Variants in DYNC2I1 observed in about 807,000 individuals in gnomAD.
DYNC2I1 encodes dynein 2 intermediate chain 1, also known as cytoplasmic dynein 2 intermediate chain 1.
Under a neutral mutation model 133.4 loss-of-function variants are expected in DYNC2I1, and 89 were observed. That is an observed-to-expected ratio of 0.67 (90% CI 0.56 to 0.80). The LOEUF (loss-of-function observed/expected upper bound fraction) is 0.80. Among genes scored for constraint, DYNC2I1 ranks in the 30% least tolerant of loss-of-function variants. The pLI is 0.00. For synonymous variants in DYNC2I1, 504 were observed against 484.3 expected (o/e 1.04, Z -0.54); for missense variants, 1,291 against 1,314.5 (o/e 0.98, Z 0.28).
At chr7:158,844,720 C>G in the DYNC2I1 span, among the ~76,000 whole-genome samples, 2 of 152,042 alleles carry the variant, frequency 1.3e-5, no homozygotes, top group Non-Finnish European at 2.9e-5. Flanking sequence ...CCTCCAGGTT[C>G]AAGCGATTCT....
At chr7:158,944,304 C>T (rs773166888) in intron 24 of DYNC2I1, among the ~76,000 whole-genome samples, 8 of 151,910 alleles carry the variant, frequency 5.3e-5, no homozygotes, top group Non-Finnish European at 1.0e-4. Flanking sequence ...TCTACCTTAA[C>T]AAATATGAAG....
chr7:158,842,702 G>A, the DYNC2I1 span, among the ~76,000 whole-genome samples: 5 of 152,346 alleles, frequency 3.3e-5, 1 homozygote, highest in African/African-American at 1.2e-4. Flanking sequence ...TCTGACACCC[G>A]AATGCAGGAA....
intron 1 of DYNC2I1, among the ~76,000 whole-genome samples, chr7:158,858,046 C>T (rs1274089435): frequency 2.0e-5 from 3 of 152,070 alleles, no homozygotes; most frequent in Non-Finnish European, 2.9e-5. Context: ...CCGCCTTGGC[C>T]TCCCAAAGTG....
chr7:158,948,113 G>A (rs1851947032), downstream of DYNC2I1, among the ~76,000 whole-genome samples: 1 of 152,220 alleles, frequency 6.6e-6, no homozygotes, highest in African/African-American at 2.4e-5. Context: ...GGATCTTCCA[G>A]AGGAAGGTGA....
chr7:158,900,731 G>GTTTTTTTTTT (rs35689002), intron 8 of DYNC2I1, among the ~76,000 whole-genome samples: 1 of 105,738 alleles, frequency 9.5e-6, no homozygotes, highest in Non-Finnish European at 1.9e-5. Context: ...ATTTTGTTCT[G>GTTTTTTTTTT]TTTTTTTTTT....
Position 158,867,038 on chromosome 7 carries a change from A to C in DYNC2I1, c.16-2817A>C, listed in dbSNP as rs1199220729. Among the ~76,000 whole-genome samples the C allele has an allele frequency of 6.9e-5, 7 of 101,042 alleles. 1 individual carries two copies. The Admixed American group carries it at 7.1e-4, about 10-fold the overall frequency. The allele number at this position is 101,042 out of a possible 152,430, so 66.3% of individuals were successfully genotyped here. On this transcript the variant is annotated intron_variant, in intron 1 of 24. Transcript: ENST00000407559. ...AATCTGTTTTTTTTTTTTTTTTTTGAAACAAACCCCCAAATGCTTCCTTTA... is the reference window on the plus strand; with the variant it reads ...AATCTGTTTTTTTTTTTTTTTTTTGCAACAAACCCCCAAATGCTTCCTTTA...
At chr7:158,906,200 TG>T (rs1300689682) in intron 11 of DYNC2I1, 109 bp downstream of exon 11, 10 of 931,850 alleles carry the variant, frequency 1.1e-5, no homozygotes, top group Non-Finnish European at 1.5e-5. Context: ...TACTGTTTTT[TG>T]GGGTGTATGA....
intron 4 of DYNC2I1, among the ~76,000 whole-genome samples, chr7:158,954,705 A>G (rs1259931498): frequency 2.0e-5 from 3 of 152,246 alleles, no homozygotes; most frequent in African/African-American, 7.2e-5. Flanking sequence ...ATTGAAGACA[A>G]CTGAAATTAT....
At chr7:158,906,311 A>G (rs1362144308) in intron 11 of DYNC2I1, among the ~76,000 whole-genome samples, 2 of 152,136 alleles carry the variant, frequency 1.3e-5, no homozygotes, top group African/African-American at 2.4e-5. Context: ...TTGTTCTTAG[A>G]TTTGTGGCGG....
intron 1 of DYNC2I1, among the ~76,000 whole-genome samples, chr7:158,868,667 C>G (rs772725801): frequency 6.6e-6 from 1 of 152,198 alleles, no homozygotes; most frequent in Non-Finnish European, 1.5e-5. Context: ...CCACCAGTTG[C>G]CCAGTGTAGC....
chr7:158,951,452 C>G (rs928161862), intron 4 of DYNC2I1, among the ~76,000 whole-genome samples: 4 of 152,220 alleles, frequency 2.6e-5, no homozygotes, highest in Non-Finnish European at 4.4e-5. Flanking sequence ...GACGGGGTCC[C>G]CAGCCAGGCC....
Position 158,856,760 on chromosome 7 carries a change from G to C in DYNC2I1, c.15+10G>C, listed in dbSNP as rs1265713732. The C allele has an allele frequency of 8.1e-7, 1 of 1,234,612 alleles. No individual in the cohort carries two copies. Among genetic ancestry groups the C allele is most frequent in the African/African-American group, 1.6e-5 (1 of 64,322 alleles). The allele number at this position is 1,234,612 out of a possible 1,614,324, so 76.5% of individuals were successfully genotyped here. ...GATGGAGCCCGGGAAGGTCGGTGCG[G>C]CGCTGGGTCTGGGCGAGGGGTGGTC... On this transcript the variant is annotated intron_variant, in intron 1 of 24. Coordinates refer to ENST00000407559, the MANE Select transcript of DYNC2I1 (RefSeq NM_018051.5).
chr7:158,948,537 TCA>T (rs1023604429), downstream of DYNC2I1, among the ~76,000 whole-genome samples: 4 of 151,918 alleles, frequency 2.6e-5, no homozygotes, highest in Admixed American at 6.6e-5. Flanking sequence ...TTCTGTTTTC[TCA>T]CAGTCATCGC....
chr7:158,949,920 T>C (rs556305413), downstream of DYNC2I1, among the ~76,000 whole-genome samples: 12 of 152,060 alleles, frequency 7.9e-5, no homozygotes, highest in African/African-American at 2.7e-4. Flanking sequence ...TACAGGCATG[T>C]GCCACCACAC....
intron 6 of DYNC2I1, among the ~76,000 whole-genome samples, chr7:158,886,528 A>T (rs1236537034): frequency 6.6e-6 from 1 of 152,194 alleles, no homozygotes; most frequent in Non-Finnish European, 1.5e-5. Context: ...ATTATTGCTA[A>T]AATAGTAAGA....
Position 158,892,551 on chromosome 7 carries a change from C to T in DYNC2I1, c.1059+1218C>T, listed in dbSNP as rs1585057117. Among the ~76,000 whole-genome samples the T allele has an allele frequency of 3.9e-5, 6 of 152,246 alleles. No individual in the cohort carries two copies. In the South Asian group the frequency reaches 1.2e-3, roughly 32 times the overall value. ...TAGACTCTTGGGATCAAGCGATTCT[C>T]CTGCCTCAGCCTTTTGAGTAGTTGG... On this transcript the variant is annotated intron_variant, in intron 8 of 24. Transcript: ENST00000407559.
intron 4 of DYNC2I1, among the ~76,000 whole-genome samples, chr7:158,953,463 C>T (rs559435558): frequency 6.6e-6 from 1 of 152,370 alleles, no homozygotes; most frequent in African/African-American, 2.4e-5. Context: ...GGTTCCTGCT[C>T]ACATGGTACT....
At chr7:158,846,749 C>T in the DYNC2I1 span, among the ~76,000 whole-genome samples, 1 of 152,204 alleles carries the variant, frequency 6.6e-6, no homozygotes, top group Non-Finnish European at 1.5e-5. Flanking sequence ...ACAACTTCTA[C>T]TGTACCCTGC....
chr7:158,909,725 C>T (rs989986451), intron 11 of DYNC2I1, among the ~76,000 whole-genome samples: 1 of 152,198 alleles, frequency 6.6e-6, no homozygotes, highest in Non-Finnish European at 1.5e-5. Context: ...GAGGCGATCC[C>T]TGTTTCCATT....
Sources: gnomAD v4.1 joint callset for allele counts (sites outside exome capture counted in the v4.1 genomes callset) on GRCh38, gnomAD v4.1.1 for gene constraint, MANE v1.5 for transcripts, NCBI Gene and HGNC (gene_info 2026-07-23, HGNC 2026-07-21) for gene names.